Variants in ANXA9 observed in about 807,000 individuals in gnomAD.
ANXA9 encodes annexin 31.
A neutral mutation model predicts 51.8 loss-of-function variants in ANXA9; 47 were observed. That is an observed-to-expected ratio of 0.91 (90% CI 0.72 to 1.16). ANXA9 has a LOEUF of 1.16. ANXA9 is among the 50% of genes most tolerant of loss of function. The pLI is 0.00. For synonymous variants in ANXA9, 154 were observed against 168.7 expected (o/e 0.91, Z 0.68); for missense variants, 361 against 424.7 (o/e 0.85, Z 1.32).
intron 4 of ANXA9, 26 bp from the exon 5 acceptor site, chr1:150,983,949 A>G (rs1671485189): frequency 6.2e-7 from 1 of 1,601,874 alleles, no homozygotes; most frequent in Non-Finnish European, 8.5e-7. Flanking sequence ...GACCCTGCTC[A>G]CAGCACAGCC....
At chr1:150,989,977 CCA>C (rs1297699878) in intron 12 of ANXA9, among the ~76,000 whole-genome samples, 2 of 151,988 alleles carry the variant, frequency 1.3e-5, no homozygotes, top group African/African-American at 4.8e-5. Context: ...ATTACAAGAC[CCA>C]CACTCTTGAG....
At position 150,988,425 on chromosome 1, in the gene ANXA9, C is replaced by CTA. The variant is rs1671620504; in HGVS notation, c.852+89_852+90dup. 2.7e-6 allele frequency: 4 copies of CTA among 1,499,376 alleles called. No individual in the cohort carries two copies. The African/African-American group carries it at 4.1e-5, about 16-fold the overall frequency. The allele number at this position is 1,499,376 out of a possible 1,614,324, so 92.9% of individuals were successfully genotyped here. On this transcript the variant is annotated intron_variant, in intron 12 of 13. Coordinates refer to ENST00000368947, the MANE Select transcript of ANXA9 (RefSeq NM_003568.3). ...TCAGCTTGCTGCTTATGTAACCATC[C>CTA]TATATACACCGTCTAAACCTCAAGC...
chr1:150,978,080 G>T (rs1671365516), upstream of ANXA9, among the ~76,000 whole-genome samples: 1 of 152,154 alleles, frequency 6.6e-6, no homozygotes, highest in Non-Finnish European at 1.5e-5. Context: ...AGGTTGCAGT[G>T]AGCCGAGATC....
intron 4 of ANXA9, 104 bp from the exon 5 acceptor site, chr1:150,983,870 CT>C: frequency 8.9e-7 from 1 of 1,121,152 alleles, no homozygotes; most frequent in East Asian, 2.6e-5. Flanking sequence ...GCCCCTGCTC[CT>C]TTCCTTCCCA....
rs1375751237 is a variant in ANXA9, at chr1:150,987,887, G to A, written c.628G>A (p.Glu210Lys). 6.2e-7 allele frequency: 1 copy of A among 1,614,040 alleles called. No individual in the cohort carries two copies. The highest frequency in any genetic ancestry group is 1.1e-5 in the South Asian group (1 of 91,068). Reference protein sequence around the residue: ...EQDVQALQRAEGPSREETWVP... With the variant: ...EQDVQALQRAKGPSREETWVP... Reference sequence around the variant, plus strand: ...TCCCTCCTAGGCACTGCAGCGGGCAGAAGGACCTAGCAGAGAGGAAACATG... The same window carrying A: ...TCCCTCCTAGGCACTGCAGCGGGCAAAAGGACCTAGCAGAGAGGAAACATG... Residue 210 changes from glutamate (E) to lysine (K), a missense_variant, in exon 10 of 14, where the codon GAA becomes AAA. By Grantham distance (56) the Glu-to-Lys change is moderately conservative. Transcript: ENST00000368947.
At chr1:150,985,167 GTCTC>G (rs1227557728) in intron 7 of ANXA9, among the ~76,000 whole-genome samples, 9 of 141,234 alleles carry the variant, frequency 6.4e-5, no homozygotes, top group Non-Finnish European at 1.1e-4. Flanking sequence ...GTGAGAGCAT[GTCTC>G]TCTCTCTCTC....
Position 150,988,322 on chromosome 1 carries a change from A to G in ANXA9, c.833A>G (p.Lys278Arg). The G allele has an allele frequency of 1.2e-6, 2 of 1,614,088 alleles. No homozygotes were observed. Among genetic ancestry groups the G allele is most frequent in the Non-Finnish European group, 1.7e-6 (2 of 1,180,012 alleles). Residue 278 changes from lysine (K) to arginine (R), a missense_variant, in exon 12 of 14, where the codon AAA becomes AGA. Physicochemically the swap from Lys to Arg is conservative, Grantham distance 26. Transcript: ENST00000368947. ...AACACACCGCTGTACTTTGCTGACA[A>G]ACTTCATCAAGCCCTCCAGGTGAGA... Reference protein sequence around the residue: ...IKNTPLYFADKLHQALQETEP... With the variant: ...IKNTPLYFADRLHQALQETEP...
chr1:150,991,989 A>G (rs1270153374), intron 12 of ANXA9, among the ~76,000 whole-genome samples: 1 of 151,402 alleles, frequency 6.6e-6, no homozygotes, highest in Admixed American at 6.6e-5. Flanking sequence ...CTGGTCTCAA[A>G]CTCCTGGCCT....
At position 150,984,353 on chromosome 1, in the gene ANXA9, A is replaced by G. The variant is rs7536645; in HGVS notation, c.340A>G (p.Thr114Ala). Residue 114 changes from threonine to alanine, a missense_variant, in exon 6 of 14, where the codon ACA becomes GCA. Thr to Ala is a moderately conservative substitution (Grantham distance 58). Coordinates refer to ENST00000368947, the MANE Select transcript of ANXA9 (RefSeq NM_003568.3). ...ERIVMALLQP[T>A]AQFDAQELRT... ...GATTGTGATGGCTCTGCTGCAGCCCACAGCCCAGTTTGACGCCCAGGAATT... is the reference window on the plus strand; with the variant it reads ...GATTGTGATGGCTCTGCTGCAGCCCGCAGCCCAGTTTGACGCCCAGGAATT... 6,722 of 1,614,128 alleles carry G rather than the reference A, an allele frequency of 4.2e-3. 157 individuals are homozygous for G. In the African/African-American group the frequency reaches 0.063, roughly 15 times the overall value.
Position 150,983,141 on chromosome 1 carries a change from C to G in ANXA9, c.36C>G (p.Leu12=). The G allele has an allele frequency of 6.2e-7, 1 of 1,614,126 alleles. No homozygotes were observed. Among genetic ancestry groups the G allele is most frequent in the East Asian group, 2.2e-5 (1 of 44,874 alleles). The part of the protein sequence containing the change: ...SVTGGKMAPS[L]TQEILSHLGL... ...CTGGCGGGAAGATGGCACCGTCCCT[C>G]ACCCAGGAGATCCTCAGCCACCTGG... The change falls in exon 3 of 14, where the codon CTC becomes CTG. Residue 12 remains leucine (L), a synonymous_variant. Transcript: ENST00000368947.
chr1:150,989,692 A>C (rs1244194628), intron 12 of ANXA9, among the ~76,000 whole-genome samples: 1 of 152,192 alleles, frequency 6.6e-6, no homozygotes, highest in Non-Finnish European at 1.5e-5. Context: ...CTAAAAAAGT[A>C]GTTATCATTT....
In ANXA9 at chr1:150,984,336, TG is replaced by T. The variant is rs778455474; in HGVS notation, c.325del (p.Ala109LeufsTer14). 39 of 1,614,196 alleles carry T rather than the reference TG, an allele frequency of 2.4e-5. No homozygotes were observed. In the South Asian group the frequency reaches 4.3e-4, roughly 18 times the overall value. The part of the protein sequence containing the change: ...ALSGNLERIV[M>X]ALLQPTAQFD... ...TCCGGCAACCTGGAGAGGATTGTGATGGCTCTGCTGCAGCCCACAGCCCAGT... is the reference window on the plus strand; with the variant it reads ...TCCGGCAACCTGGAGAGGATTGTGATGCTCTGCTGCAGCCCACAGCCCAGT... On this transcript the variant is annotated frameshift_variant, in exon 6 of 14. Transcript: ENST00000368947. LOFTEE classifies it high-confidence loss of function.
chr1:150,985,518 C>A (rs150556323), intron 7 of ANXA9, among the ~76,000 whole-genome samples: 1 of 151,562 alleles, frequency 6.6e-6, no homozygotes, highest in Non-Finnish European at 1.5e-5. Context: ...CTTCCCCCCA[C>A]CCCTACCTCT....
chr1:150,978,657 T>C (rs1269376317), upstream of ANXA9, among the ~76,000 whole-genome samples: 4 of 151,522 alleles, frequency 2.6e-5, no homozygotes, highest in African/African-American at 9.7e-5. Context: ...ACTCCTTGAG[T>C]CAGTAATGAA....
At chr1:150,992,102 G>GA (rs1671719290) in intron 12 of ANXA9, among the ~76,000 whole-genome samples, 1 of 152,006 alleles carries the variant, frequency 6.6e-6, no homozygotes, top group South Asian at 2.1e-4. Flanking sequence ...GTAGATATAT[G>GA]AAAACATAAA....
At chr1:150,984,843 G>T (rs948662337) in intron 7 of ANXA9, among the ~76,000 whole-genome samples, 167 bp downstream of exon 7, 1 of 151,910 alleles carries the variant, frequency 6.6e-6, no homozygotes, top group African/African-American at 2.4e-5. Flanking sequence ...TCTCTCAGGG[G>T]AGAGACCCAG....
At chr1:150,987,219 A>C (rs1234520895) in intron 9 of ANXA9, among the ~76,000 whole-genome samples, 1 of 151,728 alleles carries the variant, frequency 6.6e-6, no homozygotes, top group East Asian at 1.9e-4. Flanking sequence ...TATTTTTAAA[A>C]ATTAGCTGCA....
At position 150,983,351 on chromosome 1, in the gene ANXA9, G is replaced by A; in HGVS notation, c.89G>A (p.Gly30Glu). The stretch of plus-strand genomic sequence containing the variant: ...GTGCTCCCACAGACTGCAGCGTGGG[G>A]GACCCTGGGCACCCTCAGGACCTTC... Reference protein sequence around the residue: ...LGLASKTAAWGTLGTLRTFLN... With the variant: ...LGLASKTAAWETLGTLRTFLN... Residue 30 changes from glycine (G) to glutamate (E), a missense_variant, in exon 4 of 14, where the codon GGG (glycine) becomes GAG (glutamate). Gly to Glu is a moderately conservative substitution (Grantham distance 98). Coordinates refer to ENST00000368947, the MANE Select transcript of ANXA9 (RefSeq NM_003568.3). 6.2e-7 allele frequency: 1 copy of A among 1,614,052 alleles called. No homozygotes were observed. Among genetic ancestry groups the A allele is most frequent in the Non-Finnish European group, 8.5e-7 (1 of 1,179,950 alleles).
upstream of ANXA9, among the ~76,000 whole-genome samples, chr1:150,977,830 G>A (rs1471584969): frequency 2.0e-5 from 3 of 152,204 alleles, no homozygotes; most frequent in South Asian, 2.1e-4. Flanking sequence ...GCAATGGAAA[G>A]TATTTGCAGA....
Sources: gnomAD v4.1 joint callset for allele counts (sites outside exome capture counted in the v4.1 genomes callset) on GRCh38, gnomAD v4.1.1 for gene constraint, MANE v1.5 for transcripts, NCBI Gene and HGNC (gene_info 2026-07-23, HGNC 2026-07-21) for gene names.